ROR1: variants seen among roughly 807,000 people sequenced by gnomAD.
The protein encoded by ROR1 is inactive tyrosine-protein kinase transmembrane receptor ROR1.
ROR1 carries 19 observed loss-of-function variants against 78.8 expected under a neutral mutation model. The ratio of observed to expected loss-of-function variants is 0.24; its 90% CI spans 0.17 to 0.35. ROR1 has a LOEUF of 0.35. Ranked by LOEUF, ROR1 falls within the 10% of genes least tolerant of loss-of-function variation. The pLI is 1.00. For missense variants in ROR1, 917 were observed against 1,177.8 expected (o/e 0.78, Z 3.24); for synonymous variants, 386 against 433.6 (o/e 0.89, Z 1.36).
At chr1:63,795,369 G>A (rs1644754155) in intron 1 of ROR1, among the ~76,000 whole-genome samples, 1 of 152,194 alleles carries the variant, frequency 6.6e-6, no homozygotes, top group Non-Finnish European at 1.5e-5. Flanking sequence ...TCAACCAGTG[G>A]TAGAATAGAA....
At chr1:63,945,445 T>G (rs1039601565) in intron 1 of ROR1, among the ~76,000 whole-genome samples, 2 of 152,210 alleles carry the variant, frequency 1.3e-5, no homozygotes, top group Admixed American at 1.3e-4. Context: ...TGGAATTGAT[T>G]TAATGATCTG....
intron 4 of ROR1, among the ~76,000 whole-genome samples, chr1:64,090,669 C>CA (rs1280482833): frequency 2.0e-5 from 3 of 152,062 alleles, no homozygotes; most frequent in South Asian, 2.1e-4. Context: ...GAGGAAGAAA[C>CA]AAAAAATAAG....
At chr1:63,845,441 T>C (rs547656633) in intron 1 of ROR1, among the ~76,000 whole-genome samples, 31 of 152,370 alleles carry the variant, frequency 2.0e-4, no homozygotes, top group African/African-American at 7.5e-4. Context: ...CAATAGTATT[T>C]GGAGTATATC....
rs1203001954 is a variant in ROR1 at position 63,946,996 on chromosome 1, CCTGCCAGTGGAGG to C, written c.92-62306_92-62294del. ...TGATTCACCAGCATACCAAATCCTTCCTGCCAGTGGAGGCTACATTAGGCTGGGAAAGGAATCT... is the reference window on the plus strand; with the variant it reads ...TGATTCACCAGCATACCAAATCCTTCCTACATTAGGCTGGGAAAGGAATCT... On this transcript the variant is annotated intron_variant, in intron 1 of 8. Transcript: ENST00000371079. 6.0e-4 allele frequency among the ~76,000 whole-genome samples: 91 copies of C among 152,286 alleles called. No homozygotes were observed. In the Middle Eastern group the frequency reaches 0.014, roughly 23 times the overall value.
rs915533841 is a variant in ROR1 at position 64,143,277 on chromosome 1, T to G, written c.1174+627T>G. The G allele has an allele frequency of 4.1e-6, 4 of 972,938 alleles. No homozygotes were observed. In the African/African-American group the frequency reaches 7.2e-5, roughly 17 times the overall value. 60.3% of individuals were successfully genotyped at this position (972,938 alleles called of 1,614,324 possible). A position where few individuals can be genotyped will look rare whatever the true frequency, so the allele number is the denominator to read the frequency against. On this transcript the variant is annotated intron_variant, in intron 7 of 8. Coordinates refer to ENST00000371079, the MANE Select transcript of ROR1 (RefSeq NM_005012.4). ...GCTTATACCTGTAATCCCAACACTCTAGGAAGGCCGAGGCAGGAGGATCAT... is the reference window on the plus strand; with the variant it reads ...GCTTATACCTGTAATCCCAACACTCGAGGAAGGCCGAGGCAGGAGGATCAT...
intron 1 of ROR1, among the ~76,000 whole-genome samples, chr1:63,828,235 G>C (rs1325135538): frequency 6.6e-6 from 1 of 152,218 alleles, no homozygotes; most frequent in East Asian, 1.9e-4. Flanking sequence ...AAAGTAGAAA[G>C]AGATGTAGAA....
chr1:64,153,226 C>A lies in ROR1; in HGVS notation c.1175-5755C>A, dbSNP rs144144329. On this transcript the variant is annotated intron_variant, in intron 7 of 8. Transcript: ENST00000371079. ...GCAAATCAAAACTCCAGTGAGATAC[C>A]ATTTCACACCCATTAGAATGCACTA... 3.1e-3 allele frequency among the ~76,000 whole-genome samples: 469 copies of A among 152,140 alleles called. 1 individual carries two copies. In the Middle Eastern group the frequency reaches 0.034, roughly 11 times the overall value.
intron 4 of ROR1, among the ~76,000 whole-genome samples, chr1:64,077,123 G>C (rs754932466): frequency 6.6e-6 from 1 of 152,174 alleles, no homozygotes; most frequent in Non-Finnish European, 1.5e-5. Flanking sequence ...CTGGCACATA[G>C]TATGGTTCAA....
At chr1:64,161,168 G>A (rs1482422862) in intron 8 of ROR1, among the ~76,000 whole-genome samples, 1 of 152,122 alleles carries the variant, frequency 6.6e-6, no homozygotes, top group East Asian at 1.9e-4. Flanking sequence ...AATCCTCACA[G>A]CTATTATATA....
intron 1 of ROR1, among the ~76,000 whole-genome samples, chr1:63,821,347 C>T (rs1243694883): frequency 1.3e-5 from 2 of 152,202 alleles, no homozygotes; most frequent in African/African-American, 2.4e-5. Flanking sequence ...TTCTCCCTGA[C>T]AGTCCTGCGA....
chr1:64,100,456 C>T (rs2100656245), intron 4 of ROR1, among the ~76,000 whole-genome samples: 1 of 152,262 alleles, frequency 6.6e-6, no homozygotes, highest in African/African-American at 2.4e-5. Flanking sequence ...CCACTGCACT[C>T]CAGCCTAGGT....
chr1:64,052,129 C>G (rs1386573306), intron 4 of ROR1, among the ~76,000 whole-genome samples: 1 of 150,778 alleles, frequency 6.6e-6, no homozygotes, highest in Non-Finnish European at 1.5e-5. Flanking sequence ...GCTGATTGAT[C>G]TTAAAACAGG....
chr1:63,841,345 C>G (rs773049331), intron 1 of ROR1, among the ~76,000 whole-genome samples: 4 of 152,102 alleles, frequency 2.6e-5, no homozygotes, highest in Non-Finnish European at 5.9e-5. Flanking sequence ...TTTTTAGATC[C>G]CTTACAGATT....
At chr1:63,898,580 AAGAG>A (rs557865637) in intron 1 of ROR1, among the ~76,000 whole-genome samples, 3 of 151,642 alleles carry the variant, frequency 2.0e-5, no homozygotes, top group Non-Finnish European at 2.9e-5. Context: ...GAAGGAAGGA[AAGAG>A]AGAGAGAAAA....
At chr1:64,081,101 T>C (rs1314674143) in intron 4 of ROR1, among the ~76,000 whole-genome samples, 2 of 152,138 alleles carry the variant, frequency 1.3e-5, no homozygotes, top group African/African-American at 4.8e-5. Flanking sequence ...AAAGCCTCCC[T>C]TACTACACTT....
At chr1:63,870,377 A>G (rs115051474) in intron 1 of ROR1, among the ~76,000 whole-genome samples, 5,184 of 152,308 alleles carry the variant, frequency 0.034, 87 homozygotes, top group South Asian at 0.045. Context: ...AATAGGAATT[A>G]GGTAGCAAGA....
At chr1:64,101,918 G>A (rs1387666162) in intron 4 of ROR1, among the ~76,000 whole-genome samples, 2 of 152,112 alleles carry the variant, frequency 1.3e-5, no homozygotes, top group Non-Finnish European at 2.9e-5. Flanking sequence ...AAATTGCTTG[G>A]GTAATGCTTT....
At chr1:63,841,099 G>C (rs1281352094) in intron 1 of ROR1, among the ~76,000 whole-genome samples, 1 of 152,106 alleles carries the variant, frequency 6.6e-6, no homozygotes, top group African/African-American at 2.4e-5. Flanking sequence ...ATTTTTGATG[G>C]AGTATTATAA....
chr1:63,918,565 G>A (rs1479413632), intron 1 of ROR1, among the ~76,000 whole-genome samples: 3 of 152,136 alleles, frequency 2.0e-5, no homozygotes, highest in Non-Finnish European at 4.4e-5. Flanking sequence ...CTCCCATTTG[G>A]GGAAAGTTAA....
Sources: allele counts gnomAD v4.1 joint callset (sites outside exome capture counted in the v4.1 genomes callset), GRCh38; gene constraint gnomAD v4.1.1; transcripts MANE v1.5; gene names NCBI Gene and HGNC (gene_info 2026-07-23, HGNC 2026-07-21).